CNTNAP2: variants seen among roughly 807,000 people sequenced by gnomAD.
CNTNAP2 encodes the protein contactin associated protein 2, also known as contactin-associated protein-like 2.
Under a neutral mutation model 155.2 loss-of-function variants are expected in CNTNAP2, and 98 were observed. That is an observed-to-expected ratio of 0.63 (90% CI 0.54 to 0.75). The LOEUF is 0.75. Ranked by LOEUF, CNTNAP2 falls within the 30% of genes least tolerant of loss-of-function variation. The probability of loss-of-function intolerance (pLI) is 0.00; values close to 1 mark genes in which losing one functional copy is unlikely to be tolerated. For synonymous variants in CNTNAP2, 651 were observed against 631.2 expected (o/e 1.03, Z -0.47); for missense variants, 1,727 against 1,688.1 (o/e 1.02, Z -0.40).
chr7:146,551,261 T>C (rs532860304), intron 1 of CNTNAP2, among the ~76,000 whole-genome samples: 14 of 152,174 alleles, frequency 9.2e-5, no homozygotes, highest in African/African-American at 2.2e-4. Flanking sequence ...TAACATTAGG[T>C]ATATCTCCTA....
At chr7:147,081,230 A>G (rs1800117898) in intron 4 of CNTNAP2, 1 of 152,018 alleles carries the variant, frequency 6.6e-6, no homozygotes, top group African/African-American at 2.4e-5. Context: ...ACATACACCA[A>G]CGAGTGGACA....
chr7:146,117,406 A>T (rs1202965392), intron 1 of CNTNAP2: 1 of 159,432 alleles, frequency 6.3e-6, no homozygotes, highest in African/African-American at 2.4e-5. Flanking sequence ...TAACAAGAGG[A>T]GCATGTTTTA....
intron 13 of CNTNAP2, among the ~76,000 whole-genome samples, chr7:147,757,905 T>C (rs930748570): frequency 6.6e-6 from 1 of 152,216 alleles, no homozygotes; most frequent in African/African-American, 2.4e-5. Flanking sequence ...TCTTTAGCTA[T>C]CTGTTCTTGA....
chr7:148,327,133 G>A (rs930565618), intron 21 of CNTNAP2, among the ~76,000 whole-genome samples: 1 of 152,160 alleles, frequency 6.6e-6, no homozygotes, highest in African/African-American at 2.4e-5. Flanking sequence ...ACCTACCACT[G>A]AAAAGAATGA....
At chr7:147,602,359 A>ATT (rs35409223) in intron 12 of CNTNAP2, among the ~76,000 whole-genome samples, 2 of 146,178 alleles carry the variant, frequency 1.4e-5, no homozygotes, top group African/African-American at 2.5e-5. Flanking sequence ...ACTTCAGTCT[A>ATT]TTTTTTTTTT....
intron 11 of CNTNAP2, among the ~76,000 whole-genome samples, chr7:147,551,765 C>T (rs7795890): frequency 0.2 from 29,900 of 152,038 alleles, 3,162 homozygotes; most frequent in Admixed American, 0.29. Context: ...AACTTGTATT[C>T]ATCGATGGGT....
chr7:147,372,475 C>A (rs891854458), intron 9 of CNTNAP2, among the ~76,000 whole-genome samples: 8 of 152,108 alleles, frequency 5.3e-5, no homozygotes, highest in African/African-American at 1.9e-4. Flanking sequence ...GTATATTCAA[C>A]TGTTCATTCC....
chr7:147,431,733 A>C (rs1250048670), intron 10 of CNTNAP2, among the ~76,000 whole-genome samples: 2 of 152,046 alleles, frequency 1.3e-5, no homozygotes, highest in African/African-American at 4.8e-5. Flanking sequence ...TTCTTGAAAC[A>C]ATTTCTTATG....
chr7:146,633,851 A>AAAAAAAAAAAAC (rs1799553021), intron 1 of CNTNAP2, among the ~76,000 whole-genome samples: 2 of 132,956 alleles, frequency 1.5e-5, no homozygotes, highest in African/African-American at 5.4e-5. Context: ...AAAAAAAAAA[A>AAAAAAAAAAAAC]AAAAACAGAA....
At chr7:146,511,863 C>A (rs1007919418) in intron 1 of CNTNAP2, among the ~76,000 whole-genome samples, 2 of 151,980 alleles carry the variant, frequency 1.3e-5, no homozygotes, top group African/African-American at 4.8e-5. Flanking sequence ...ATTGGTTCTT[C>A]TTTAAAAATT....
chr7:148,406,250 G>GAAATA (rs1306675462), intron 22 of CNTNAP2, among the ~76,000 whole-genome samples: 5 of 151,702 alleles, frequency 3.3e-5, no homozygotes, highest in Non-Finnish European at 5.9e-5. Context: ...AAGAAAGAAA[G>GAAATA]AAGGTCATGA....
chr7:147,403,850 T>C (rs1427600521), intron 10 of CNTNAP2, among the ~76,000 whole-genome samples: 1 of 152,126 alleles, frequency 6.6e-6, no homozygotes, highest in African/African-American at 2.4e-5. Context: ...AGTGTTTCTT[T>C]AGTGATGGTT....
In CNTNAP2 at chr7:146,280,176, G is replaced by A. The variant is rs537196727; in HGVS notation, c.97+163203G>A. The stretch of plus-strand genomic sequence containing the variant: ...GCTTTTATCAGAACAATTCTTGTCC[G>A]ACCAAATCAGGAAACTCCAAAATTC... On this transcript the variant is annotated intron_variant, in intron 1 of 23. Transcript: ENST00000361727. 2.0e-3 allele frequency among the ~76,000 whole-genome samples: 311 copies of A among 152,056 alleles called. 3 individuals are homozygous for A. The highest frequency in any genetic ancestry group is 7.0e-3 in the African/African-American group (290 of 41,508).
chr7:146,751,573 A>T (rs1269363612), intron 1 of CNTNAP2, among the ~76,000 whole-genome samples: 1 of 152,192 alleles, frequency 6.6e-6, no homozygotes, highest in East Asian at 1.9e-4. Flanking sequence ...GAGGCTACTA[A>T]ATCTTACATT....
chr7:146,477,169 C>T (rs1203643940), intron 1 of CNTNAP2, among the ~76,000 whole-genome samples: 1 of 152,094 alleles, frequency 6.6e-6, no homozygotes, highest in African/African-American at 2.4e-5. Context: ...ATTTGAAAAT[C>T]CATGTTTTAG....
chr7:146,256,789 A>G (rs891515610), intron 1 of CNTNAP2, among the ~76,000 whole-genome samples: 2 of 150,848 alleles, frequency 1.3e-5, no homozygotes, highest in Non-Finnish European at 3.0e-5. Context: ...TACTGGTGGG[A>G]AAAAAAAACA....
In CNTNAP2 at chr7:146,539,600, A is replaced by T. The variant is rs188967935; in HGVS notation, c.98-234671A>T. On this transcript the variant is annotated intron_variant, in intron 1 of 23. Coordinates refer to ENST00000361727, the MANE Select transcript of CNTNAP2 (RefSeq NM_014141.6). ...AAAACAGGACTAAATTGTGCATCTTATGGAGCAGTGCTGTTTGTTTTCTTT... is the reference window on the plus strand; with the variant it reads ...AAAACAGGACTAAATTGTGCATCTTTTGGAGCAGTGCTGTTTGTTTTCTTT... 1.1e-4 allele frequency among the ~76,000 whole-genome samples: 17 copies of T among 152,196 alleles called. No homozygotes were observed. The East Asian group carries it at 3.1e-3, about 28-fold the overall frequency.
At chr7:146,643,654 G>T (rs1281381048) in intron 1 of CNTNAP2, among the ~76,000 whole-genome samples, 2 of 151,958 alleles carry the variant, frequency 1.3e-5, no homozygotes, top group South Asian at 2.1e-4. Context: ...CTCTTTTTTT[G>T]GTTCCATATG....
chr7:146,952,058 G>A (rs895688149), intron 3 of CNTNAP2, among the ~76,000 whole-genome samples: 1 of 152,044 alleles, frequency 6.6e-6, no homozygotes, highest in Non-Finnish European at 1.5e-5. Flanking sequence ...GAATACAGCA[G>A]CACATTAAAA....
Sources: allele counts gnomAD v4.1 joint callset (sites outside exome capture counted in the v4.1 genomes callset), GRCh38; gene constraint gnomAD v4.1.1; transcripts MANE v1.5; gene names NCBI Gene and HGNC (gene_info 2026-07-23, HGNC 2026-07-21).